Variants in DNAJC18 observed in about 807,000 individuals in gnomAD.
DNAJC18 encodes DnaJ heat shock protein family (Hsp40) member C18.
A neutral mutation model predicts 48.6 loss-of-function variants in DNAJC18; 40 were observed. The ratio of observed to expected loss-of-function variants is 0.82; its 90% CI spans 0.64 to 1.07. DNAJC18 has a LOEUF of 1.07. Ranked by LOEUF, DNAJC18 falls within the 50% of genes least tolerant of loss-of-function variation. The pLI is 0.00. For synonymous variants in DNAJC18, 135 were observed against 152.2 expected, an observed-to-expected ratio of 0.89 and a Z score of 0.83; for missense variants, 340 against 427.7, an observed-to-expected ratio of 0.79 and a Z score of 1.81.
At chr5:139,428,461 C>A (rs1256706464) in intron 3 of DNAJC18, 77 bp downstream of exon 3, 10 of 1,540,676 alleles carry the variant, frequency 6.5e-6, no homozygotes, top group South Asian at 1.3e-5. Flanking sequence ...TATAAAACAA[C>A]TATGGGGAAG....
chr5:139,424,023 T>C (rs966628592), intron 5 of DNAJC18, among the ~76,000 whole-genome samples: 1 of 152,156 alleles, frequency 6.6e-6, no homozygotes, highest in African/African-American at 2.4e-5. Context: ...CCACAGCTGA[T>C]TGGACTCAGG....
At chr5:139,437,296 TA>T in intron 2 of DNAJC18, 75 bp downstream of exon 2, 1 of 1,480,464 alleles carries the variant, frequency 6.8e-7, no homozygotes, top group Non-Finnish European at 9.0e-7. Flanking sequence ...CATCAGTCAA[TA>T]CTTACATAGC....
intron 7 of DNAJC18, among the ~76,000 whole-genome samples, chr5:139,414,565 T>C (rs984926726): frequency 6.6e-6 from 1 of 152,228 alleles, no homozygotes; most frequent in African/African-American, 2.4e-5. Flanking sequence ...AACCTGCGCA[T>C]GTGCAGTGAG....
rs1462215472 is a variant in DNAJC18, at chr5:139,410,605, T to C, written c.*3543A>G. On this transcript the variant is annotated 3_prime_UTR_variant, in exon 8 of 8. Coordinates refer to ENST00000302060, the MANE Select transcript of DNAJC18 (RefSeq NM_152686.4). Reference sequence around the variant, plus strand: ...CAGTGCATGCAGATGATGTACTTGCTTGTATGGTGTGGCCAGCTGTAACAG... The same window carrying C: ...CAGTGCATGCAGATGATGTACTTGCCTGTATGGTGTGGCCAGCTGTAACAG... 6.6e-6 allele frequency: 1 copy of C among 152,192 alleles called. No homozygotes were observed. Among genetic ancestry groups the C allele is most frequent in the Non-Finnish European group, 1.5e-5 (1 of 68,036 alleles). 9.4% of individuals were successfully genotyped at this position (152,192 alleles called of 1,614,324 possible).
intron 2 of DNAJC18, among the ~76,000 whole-genome samples, chr5:139,435,705 GTTTTTTTTTTTTT>G (rs377125785): frequency 4.1e-4 from 17 of 41,192 alleles, no homozygotes; most frequent in East Asian, 2.7e-3. Context: ...TTCATTGGAA[GTTTTTTTTTTTTT>G]TTTTTTTTTT....
intron 7 of DNAJC18, among the ~76,000 whole-genome samples, chr5:139,416,839 C>G (rs535001540): frequency 2.0e-5 from 3 of 152,224 alleles, no homozygotes; most frequent in Non-Finnish European, 4.4e-5. Flanking sequence ...CTAGATGCAG[C>G]TGCGAAGAAG....
At chr5:139,435,044 C>A (rs1175140766) in intron 2 of DNAJC18, among the ~76,000 whole-genome samples, 1 of 152,052 alleles carries the variant, frequency 6.6e-6, no homozygotes. Flanking sequence ...CCCTTCTATT[C>A]CTAGTTAAGT....
intron 2 of DNAJC18, among the ~76,000 whole-genome samples, chr5:139,434,823 C>G (rs1467062222): frequency 6.6e-6 from 1 of 151,890 alleles, no homozygotes; most frequent in Non-Finnish European, 1.5e-5. Flanking sequence ...TGTAGTTTTA[C>G]TCTTCTTTCC....
At chr5:139,436,998 T>C (rs1034398440) in intron 2 of DNAJC18, among the ~76,000 whole-genome samples, 1 of 152,226 alleles carries the variant, frequency 6.6e-6, no homozygotes, top group African/African-American at 2.4e-5. Flanking sequence ...TCAGAGAACA[T>C]ACACTGTATG....
Position 139,439,200 on chromosome 5 carries a change from A to T in DNAJC18, c.40+206T>A, listed in dbSNP as rs916226792. On this transcript the variant is annotated intron_variant, in intron 1 of 7. Coordinates refer to ENST00000302060, the MANE Select transcript of DNAJC18 (RefSeq NM_152686.4). The surrounding 1 kb of genome is among the most constrained non-coding windows in gnomAD (Gnocchi z 4.1). ...GGGGCGGGGCTGGGGGCCGGAGGCA[A>T]CAAGTCGTCACCGGTGACTCTGGGC... is the stretch of plus-strand genomic sequence containing the variant. Among the ~76,000 whole-genome samples the T allele has an allele frequency of 1.3e-5, 2 of 151,742 alleles. No homozygotes were observed. Among genetic ancestry groups the T allele is most frequent in the African/African-American group, 2.4e-5 (1 of 41,308 alleles).
intron 7 of DNAJC18, 64 bp from the exon 8 acceptor site, chr5:139,414,336 T>G (rs1276016375): frequency 2.6e-6 from 4 of 1,541,642 alleles, no homozygotes; most frequent in Middle Eastern, 1.7e-4. Context: ...TTTCAATGTT[T>G]CTGGAGTCAA....
At chr5:139,414,879 T>A (rs1759050407) in intron 7 of DNAJC18, among the ~76,000 whole-genome samples, 1 of 152,266 alleles carries the variant, frequency 6.6e-6, no homozygotes, top group South Asian at 2.1e-4. Context: ...TTTGTCTCCT[T>A]GACTAAATTA....
In DNAJC18 at chr5:139,426,295, C is replaced by T. The variant is rs763531519; in HGVS notation, c.436G>A (p.Gly146Arg). 6.8e-6 allele frequency: 11 copies of T among 1,614,114 alleles called. No homozygotes were observed. Among genetic ancestry groups the T allele is most frequent in the East Asian group, 2.2e-5 (1 of 44,890 alleles). Residue 146 changes from glycine (G) to arginine (R), a missense_variant, in exon 4 of 8, where the codon GGA (glycine) becomes AGA (arginine). By Grantham distance (125) the Gly-to-Arg change is moderately radical. Coordinates refer to ENST00000302060, the MANE Select transcript of DNAJC18 (RefSeq NM_152686.4). ...PDKRLRYDEYGDEQVTFTAPR... is the reference protein window; with the variant it reads ...PDKRLRYDEYRDEQVTFTAPR... ...GCAGTGAAAGTCACCTGTTCATCTC[C>T]GTATTCATCATAGCGAAGTCTCTTA...
chr5:139,437,225 C>T (rs910128817), intron 2 of DNAJC18, 147 bp downstream of exon 2: 2 of 1,010,646 alleles, frequency 2.0e-6, no homozygotes, highest in Admixed American at 7.0e-5. Flanking sequence ...CACTTCTATT[C>T]AGTCTTCCCT....
intron 2 of DNAJC18, among the ~76,000 whole-genome samples, chr5:139,435,705 GTTTTTTTTTTTTTT>G (rs377125785): frequency 9.7e-5 from 4 of 41,194 alleles, no homozygotes; most frequent in East Asian, 1.3e-3. Context: ...TTCATTGGAA[GTTTTTTTTTTTTTT>G]TTTTTTTTTT....
At position 139,426,374 on chromosome 5, in the gene DNAJC18, C is replaced by T. The variant is rs1172225369; in HGVS notation, c.374-17G>A. The T allele has an allele frequency of 1.2e-6, 2 of 1,613,028 alleles. No homozygotes were observed. Among genetic ancestry groups the T allele is most frequent in the African/African-American group, 2.7e-5 (2 of 75,032 alleles). ...TTCCTATTGCTGCAACCAACAAGAA[C>T]CAGCACATGAGGACACAGTCTTTGC... On this transcript the variant is annotated splice_polypyrimidine_tract_variant and intron_variant, in intron 3 of 7. Coordinates refer to ENST00000302060, the MANE Select transcript of DNAJC18 (RefSeq NM_152686.4).
chr5:139,425,597 T>A (rs1305950832), intron 4 of DNAJC18, among the ~76,000 whole-genome samples: 1 of 152,070 alleles, frequency 6.6e-6, no homozygotes, highest in Non-Finnish European at 1.5e-5. Flanking sequence ...CGTGCTGAGC[T>A]CTCCTGACTT....
intron 2 of DNAJC18, among the ~76,000 whole-genome samples, chr5:139,431,889 T>C (rs1183153361): frequency 3.3e-5 from 5 of 152,266 alleles, no homozygotes; most frequent in South Asian, 2.1e-4. Flanking sequence ...TTCCAGTGGG[T>C]ATATCTCATT....
In DNAJC18 at chr5:139,425,033, T is replaced by G. The variant is rs868217547; in HGVS notation, c.641A>C (p.Gln214Pro). 7.4e-6 allele frequency: 12 copies of G among 1,613,260 alleles called. No individual in the cohort carries two copies. Among genetic ancestry groups the G allele is most frequent in the Admixed American group, 5.0e-5 (3 of 59,978 alleles). Residue 214 changes from glutamine (Q) to proline (P), a missense_variant, in exon 5 of 8, where the codon CAG becomes CCG. Physicochemically the swap from Gln to Pro is moderately conservative, Grantham distance 76. Coordinates refer to ENST00000302060, the MANE Select transcript of DNAJC18 (RefSeq NM_152686.4). Reference sequence around the variant, plus strand: ...AGGTTTCTCTTCTTCCTCCTCCTTCTGAGTCTGTGTCCTCTCATGTCGGTG... The same window carrying G: ...AGGTTTCTCTTCTTCCTCCTCCTTCGGAGTCTGTGTCCTCTCATGTCGGTG... ...RRHRHERTQT[Q>P]KEEEEEKPQT... is the part of the protein sequence containing the mutation.
Sources: allele counts gnomAD v4.1 joint callset (sites outside exome capture counted in the v4.1 genomes callset), GRCh38; gene constraint gnomAD v4.1.1; non-coding constraint Gnocchi (gnomAD v3.1); transcripts MANE v1.5; gene names NCBI Gene and HGNC (gene_info 2026-07-23, HGNC 2026-07-21).